Variants in ITGB1BP2 observed in about 807,000 individuals in gnomAD.
ITGB1BP2 encodes the protein integrin beta-1-binding protein 2.
Under a neutral mutation model 32.2 loss-of-function variants are expected in ITGB1BP2, and 27 were observed. That is an observed-to-expected ratio of 0.84 (90% CI 0.62 to 1.16). The LOEUF is 1.16. ITGB1BP2 is among the 50% of genes most tolerant of loss of function. The probability of loss-of-function intolerance (pLI) is 0.00; values close to 1 mark genes in which losing one functional copy is unlikely to be tolerated. For missense variants in ITGB1BP2, 250 were observed against 267.3 expected, an observed-to-expected ratio of 0.94 and a Z score of 0.45; for synonymous variants, 105 against 94.7, an observed-to-expected ratio of 1.11 and a Z score of -0.63.
At position 71,303,357 on chromosome X, in the gene ITGB1BP2, G is replaced by A; in HGVS notation, c.412+1G>A. Reference sequence around the variant, plus strand: ...GAATTAGACCAGGAACCTGGGGCAGGTAGGTGGGTCTTTAGTAGGATCAAC... The same window carrying A: ...GAATTAGACCAGGAACCTGGGGCAGATAGGTGGGTCTTTAGTAGGATCAAC... On this transcript the variant is annotated splice_donor_variant, in intron 5 of 10. Coordinates refer to ENST00000373829, the MANE Select transcript of ITGB1BP2 (RefSeq NM_012278.4). LOFTEE classifies it high-confidence loss of function. The A allele has an allele frequency of 8.3e-7, 1 of 1,210,361 alleles. No individual in the cohort carries two copies. The highest frequency in any genetic ancestry group is 1.1e-6 in the Non-Finnish European group (1 of 894,267).
intron 1 of ITGB1BP2, 59 bp downstream of exon 1, chrX:71,301,929 C>A: frequency 9.7e-7 from 1 of 1,030,346 alleles, no homozygotes; most frequent in East Asian, 3.0e-5. Flanking sequence ...GACTGGTCAG[C>A]TGGGGGGCAG....
rs776347653 is a variant in ITGB1BP2, at chrX:71,303,503, C to T, written c.455C>T (p.Pro152Leu). Reference protein sequence around the residue: ...LIRTGSSCQNPGCDAVYQGPE... With the variant: ...LIRTGSSCQNLGCDAVYQGPE... ...CGGACTGGTTCCAGCTGCCAGAACC[C>T]AGGATGTGATGCTGTGAGTGAGAGT... The change falls in exon 6 of 11, where the codon CCA (proline) becomes CTA (leucine). Residue 152 changes from proline to leucine, a missense_variant. Transcript: ENST00000373829. 8.3e-7 allele frequency: 1 copy of T among 1,211,493 alleles called. No homozygotes were observed. The highest frequency in any genetic ancestry group is 1.1e-6 in the Non-Finnish European group (1 of 895,462).
In ITGB1BP2 at chrX:71,305,181, A is replaced by G. The variant is rs1602395116; in HGVS notation, c.1033A>G (p.Met345Val). 1 of 1,197,549 alleles carries G rather than the reference A, an allele frequency of 8.4e-7. No homozygotes were observed. The highest frequency in any genetic ancestry group is 1.1e-6 in the Non-Finnish European group (1 of 885,852). Residue 345 changes from methionine (M) to valine (V), a missense_variant, in exon 11 of 11, where the codon ATG becomes GTG. Met to Val is a conservative substitution (Grantham distance 21). Coordinates refer to ENST00000373829, the MANE Select transcript of ITGB1BP2 (RefSeq NM_012278.4). The part of the protein sequence containing the change: ...WTEEEEEEEA[M>V]GE ...AGAGGAGGAGGAAGAGGAGGAAGCA[A>G]TGGGGGAATAGTGACACCAGACAGT... is the stretch of plus-strand genomic sequence containing the variant.
chrX:71,304,632 T>A (rs2031667485), intron 10 of ITGB1BP2, 28 bp downstream of exon 10: 1 of 1,151,383 alleles, frequency 8.7e-7, no homozygotes, highest in South Asian at 1.8e-5. Flanking sequence ...GACACAAGAG[T>A]GGGAGGCAGA....
intron 5 of ITGB1BP2, 38 bp from the exon 6 acceptor site, chrX:71,303,423 G>A: frequency 8.3e-7 from 1 of 1,210,173 alleles, no homozygotes; most frequent in East Asian, 3.0e-5. Flanking sequence ...ATTGAGTGGG[G>A]GGATGGATAA....
chrX:71,304,045 C>A, intron 8 of ITGB1BP2, 134 bp downstream of exon 8: 1 of 686,852 alleles, frequency 1.5e-6, no homozygotes, highest in Non-Finnish European at 2.2e-6. Flanking sequence ...TGCTCCTTAT[C>A]CCTCAACAGC....
rs1413243266 is a variant in ITGB1BP2 at position 71,303,689 on chromosome X, C to T, written c.531C>T (p.Phe177=). ...PCTYHPGAPR[F]HEGMKSWSCC... is the part of the protein sequence containing the mutation. ...CCTACCACCCAGGAGCACCCCGATT[C>T]CATGAGGGGTGAGGGAGGGGACTGG... is the stretch of plus-strand genomic sequence containing the variant. Residue 177 remains phenylalanine, a synonymous_variant, in exon 7 of 11, where the codon TTC becomes TTT. Coordinates refer to ENST00000373829, the MANE Select transcript of ITGB1BP2 (RefSeq NM_012278.4). 5 of 1,206,242 alleles carry T rather than the reference C, an allele frequency of 4.1e-6. No homozygotes were observed. The highest frequency in any genetic ancestry group is 2.3e-4 in the Middle Eastern group (1 of 4,368).
chrX:71,302,384 C>T (rs1427826460), intron 3 of ITGB1BP2, 27 bp from the exon 4 acceptor site: 1 of 1,208,115 alleles, frequency 8.3e-7, no homozygotes, highest in Non-Finnish European at 1.1e-6. Context: ...GATTCTATCC[C>T]TAATCCTATC....
At chrX:71,304,099 T>G in intron 8 of ITGB1BP2, 88 bp from the exon 9 acceptor site, 1 of 788,165 alleles carries the variant, frequency 1.3e-6, no homozygotes, top group Non-Finnish European at 1.9e-6. Flanking sequence ...TTTTTGAGAC[T>G]CTCTGTCTCT....
Position 71,302,262 on chromosome X carries a change from G to T in ITGB1BP2, c.115-15G>T. The T allele has an allele frequency of 8.3e-7, 1 of 1,211,243 alleles. No individual in the cohort carries two copies. Among genetic ancestry groups the T allele is most frequent in the Non-Finnish European group, 1.1e-6 (1 of 895,270 alleles). On this transcript the variant is annotated splice_polypyrimidine_tract_variant and intron_variant, in intron 2 of 10. Coordinates refer to ENST00000373829, the MANE Select transcript of ITGB1BP2 (RefSeq NM_012278.4). ...TACCCAGGAAGCTAAGCTGATCTGG[G>T]TCTCTTGTTATCAGGGTTGGTCCTG...
chrX:71,305,290 G>A lies in ITGB1BP2; in HGVS notation c.*98G>A. ...GGCCATGTGGCATCATTGAGCAGCA[G>A]GAGGCTGAAGGAGGGGAGAACAAAA... On this transcript the variant is annotated 3_prime_UTR_variant, in exon 11 of 11. Transcript: ENST00000373829. 6 of 733,647 alleles carry A rather than the reference G, an allele frequency of 8.2e-6. No individual in the cohort carries two copies. The highest frequency in any genetic ancestry group is 9.9e-6 in the Non-Finnish European group (5 of 505,663). 60.5% of individuals were successfully genotyped at this position (733,647 alleles called of 1,213,427 possible). A position where few individuals can be genotyped will look rare whatever the true frequency, so the allele number is the denominator to read the frequency against.
At chrX:71,304,932 C>G in intron 10 of ITGB1BP2, 33 bp from the exon 11 acceptor site, 1 of 1,126,999 alleles carries the variant, frequency 8.9e-7, no homozygotes, top group Non-Finnish European at 1.2e-6. Flanking sequence ...TCCTCATTCT[C>G]TCTTTCTTCT....
Position 71,302,180 on chromosome X carries a change from A to G in ITGB1BP2, c.108A>G (p.Ala36=). ...HHPGVPIFHD[A]LKGWSCCRKR... Reference sequence around the variant, plus strand: ...CTGGGGTCCCAATCTTCCATGATGCACTTAAGGTGAGGAGTAGGTGAGGGG... The same window carrying G: ...CTGGGGTCCCAATCTTCCATGATGCGCTTAAGGTGAGGAGTAGGTGAGGGG... Residue 36 remains alanine, a synonymous_variant, in exon 2 of 11, where the codon GCA becomes GCG. Coordinates refer to ENST00000373829, the MANE Select transcript of ITGB1BP2 (RefSeq NM_012278.4). The G allele has an allele frequency of 8.3e-7, 1 of 1,210,886 alleles. No individual in the cohort carries two copies. The highest frequency in any genetic ancestry group is 1.8e-5 in the South Asian group (1 of 56,933).
Position 71,305,010 on chromosome X carries a change from G to A in ITGB1BP2, c.862G>A (p.Val288Ile), listed in dbSNP as rs751685896. ...QSSVFLMPSRVEISLVKADPG... is the reference protein window; with the variant it reads ...QSSVFLMPSRIEISLVKADPG... ...CTCTGTCTTCTTGATGCCATCTCGG[G>A]TTGAAATCTCCCTGGTCAAGGCTGA... is the stretch of plus-strand genomic sequence containing the variant. Residue 288 changes from valine to isoleucine, a missense_variant, in exon 11 of 11, where the codon GTT (valine) becomes ATT (isoleucine). Coordinates refer to ENST00000373829, the MANE Select transcript of ITGB1BP2 (RefSeq NM_012278.4). 17 of 1,211,355 alleles carry A rather than the reference G, an allele frequency of 1.4e-5. No homozygotes were observed. Among genetic ancestry groups the A allele is most frequent in the Non-Finnish European group, 1.8e-5 (16 of 895,334 alleles).
chrX:71,303,943 G>T, intron 8 of ITGB1BP2, 32 bp downstream of exon 8: 1 of 1,100,469 alleles, frequency 9.1e-7, no homozygotes, highest in Non-Finnish European at 1.2e-6. Flanking sequence ...CTCTTGATTA[G>T]AACCCAATCT....
intron 10 of ITGB1BP2, 71 bp from the exon 11 acceptor site, chrX:71,304,894 C>A: frequency 1.1e-6 from 1 of 891,506 alleles, no homozygotes; most frequent in Non-Finnish European, 1.6e-6. Flanking sequence ...TTTGTCACCA[C>A]TCCACCCTGA....
chrX:71,302,188 TGAG>T lies in ITGB1BP2; in HGVS notation c.114+6_114+8del, dbSNP rs775482006. The T allele has an allele frequency of 5.0e-6, 6 of 1,208,083 alleles. No individual in the cohort carries two copies. The highest frequency in any genetic ancestry group is 4.4e-5 in the Admixed American group (2 of 45,468). The stretch of plus-strand genomic sequence containing the variant: ...CCAATCTTCCATGATGCACTTAAGG[TGAG>T]GAGTAGGTGAGGGGGGTTAGCAAGA... On this transcript the variant is annotated splice_donor_5th_base_variant and intron_variant, in intron 2 of 10. Coordinates refer to ENST00000373829, the MANE Select transcript of ITGB1BP2 (RefSeq NM_012278.4).
chrX:71,303,750 T>C, intron 7 of ITGB1BP2, 53 bp downstream of exon 7: 1 of 1,181,177 alleles, frequency 8.5e-7, no homozygotes, highest in Non-Finnish European at 1.2e-6. Context: ...TTTCTCCTAA[T>C]ATTTGGTCAT....
intron 1 of ITGB1BP2, 23 bp from the exon 2 acceptor site, chrX:71,302,114 A>G (rs2031622570): frequency 1.1e-5 from 13 of 1,205,635 alleles, no homozygotes; most frequent in Admixed American, 2.2e-5. Flanking sequence ...CCCTTCCTTG[A>G]TAACTTCTAC....
Sources: allele counts gnomAD v4.1 joint callset, GRCh38; gene constraint gnomAD v4.1.1; transcripts MANE v1.5; gene names NCBI Gene and HGNC (gene_info 2026-07-23, HGNC 2026-07-21).